RBFOX1: variants seen among roughly 807,000 people sequenced by gnomAD.
RBFOX1 encodes RNA binding protein fox-1 homolog 1.
A neutral mutation model predicts 57.7 loss-of-function variants in RBFOX1; 8 were observed. That is an observed-to-expected ratio of 0.14 (90% CI 0.08 to 0.25). RBFOX1 has a LOEUF of 0.25. RBFOX1 is among the 10% of genes least tolerant of loss of function. The pLI, the probability that RBFOX1 is intolerant of heterozygous loss-of-function variation, is 1.00. For missense variants in RBFOX1, 611 were observed against 548.5 expected (o/e 1.11, Z -1.14); for synonymous variants, 326 against 222.4 (o/e 1.47, Z -4.15).
At chr16:5,720,069 C>A (rs2051870873) in intron 3 of RBFOX1, among the ~76,000 whole-genome samples, 1 of 152,096 alleles carries the variant, frequency 6.6e-6, no homozygotes, top group South Asian at 2.1e-4. Flanking sequence ...TTCACATCCT[C>A]ACCAACACTT....
intron 4 of RBFOX1, among the ~76,000 whole-genome samples, chr16:7,452,788 A>C (rs2057632362): frequency 6.6e-6 from 1 of 152,186 alleles, no homozygotes; most frequent in African/African-American, 2.4e-5. Context: ...GAGTCTGGTG[A>C]AAGAAGAAAT....
chr16:5,861,772 A>C (rs1374184657), intron 3 of RBFOX1, among the ~76,000 whole-genome samples: 2 of 152,218 alleles, frequency 1.3e-5, no homozygotes, highest in African/African-American at 4.8e-5. Flanking sequence ...TTTGTTGCAA[A>C]GTGCAAAGGA....
chr16:5,511,796 T>C (rs1207621982), intron 2 of RBFOX1, among the ~76,000 whole-genome samples: 1 of 152,218 alleles, frequency 6.6e-6, no homozygotes, highest in Non-Finnish European at 1.5e-5. Context: ...AATGTAACTA[T>C]GTCCCCAAAG....
chr16:5,658,871 G>C (rs1172713586), intron 3 of RBFOX1, among the ~76,000 whole-genome samples: 3 of 144,188 alleles, frequency 2.1e-5, no homozygotes, highest in Admixed American at 1.4e-4. Context: ...GTGTGTATAT[G>C]TATAAATATA....
rs530747411 is a variant in RBFOX1, at chr16:6,042,915, G to C, written c.-127+22923G>C. On this transcript the variant is annotated intron_variant, in intron 1 of 15. Coordinates refer to ENST00000550418, the MANE Select transcript of RBFOX1 (RefSeq NM_018723.4). Reference sequence around the variant, plus strand: ...AAGCTTTATCTAAAGACTTGAAGCTGGTAGAAAGAAATGCTTGATTTAAGA... The same window carrying C: ...AAGCTTTATCTAAAGACTTGAAGCTCGTAGAAAGAAATGCTTGATTTAAGA... 5.9e-5 allele frequency among the ~76,000 whole-genome samples: 9 copies of C among 152,036 alleles called. No homozygotes were observed. In the East Asian group the frequency reaches 1.7e-3, roughly 30 times the overall value.
chr16:5,489,368 C>G (rs1004669031), intron 2 of RBFOX1, among the ~76,000 whole-genome samples: 2 of 152,208 alleles, frequency 1.3e-5, no homozygotes, highest in Non-Finnish European at 2.9e-5. Context: ...GTCCAGGGCT[C>G]ACCTCAAAGG....
At chr16:6,889,944 G>T (rs76665679) in intron 3 of RBFOX1, among the ~76,000 whole-genome samples, 187 of 152,296 alleles carry the variant, frequency 1.2e-3, no homozygotes, top group African/African-American at 4.1e-3. Flanking sequence ...ACGTATTTCA[G>T]TGGTTACCTG....
chr16:6,742,706 A>G (rs1208055344), intron 3 of RBFOX1, among the ~76,000 whole-genome samples: 3 of 152,210 alleles, frequency 2.0e-5, no homozygotes, highest in African/African-American at 7.2e-5. Context: ...TCTCAAGGGC[A>G]CAATGTTGAA....
At chr16:5,854,564 C>CA (rs1567628311) in intron 3 of RBFOX1, among the ~76,000 whole-genome samples, 2 of 141,834 alleles carry the variant, frequency 1.4e-5, no homozygotes, top group African/African-American at 5.6e-5. Context: ...CTTACCCCCC[C>CA]CACACACAAG....
At chr16:7,425,727 T>G (rs1170299605) in intron 4 of RBFOX1, among the ~76,000 whole-genome samples, 1 of 152,168 alleles carries the variant, frequency 6.6e-6, no homozygotes, top group Non-Finnish European at 1.5e-5. Context: ...CTAGGGGGGA[T>G]AGAGACCCCT....
At position 7,460,389 on chromosome 16, in the gene RBFOX1, ATG is replaced by A. The variant is rs1235047786; in HGVS notation, c.28-57730_28-57729del. Among the ~76,000 whole-genome samples, 309 of 87,156 alleles carry A rather than the reference ATG, an allele frequency of 3.5e-3. 10 individuals carry two copies. Among genetic ancestry groups the A allele is most frequent in the Middle Eastern group, 5.4e-3 (1 of 186 alleles). 57.2% of individuals were successfully genotyped at this position (87,156 alleles called of 152,430 possible). A position where few individuals can be genotyped will look rare whatever the true frequency, so the allele number is the denominator to read the frequency against. On this transcript the variant is annotated intron_variant, in intron 4 of 15. Coordinates refer to ENST00000550418, the MANE Select transcript of RBFOX1 (RefSeq NM_018723.4). The stretch of plus-strand genomic sequence containing the variant: ...TAGCAAAATATATATATATATATAT[ATG>A]TGTGTGTGTGTGTGTGTGTGTGTGT...
intron 1 of RBFOX1, among the ~76,000 whole-genome samples, chr16:5,386,710 C>T (rs1165374496): frequency 6.6e-6 from 1 of 152,130 alleles, no homozygotes; most frequent in Non-Finnish European, 1.5e-5. Context: ...TCCTTGATTC[C>T]CCCAGCAGGA....
intron 4 of RBFOX1, among the ~76,000 whole-genome samples, chr16:7,207,786 C>T (rs947948153): frequency 6.6e-6 from 1 of 152,186 alleles, no homozygotes; most frequent in Non-Finnish European, 1.5e-5. Flanking sequence ...CATGTAGCTT[C>T]TCCTAGAATG....
At chr16:7,364,915 G>C (rs77765083) in intron 4 of RBFOX1, among the ~76,000 whole-genome samples, 6,207 of 152,218 alleles carry the variant, frequency 0.041, 258 homozygotes, top group East Asian at 0.15. Context: ...ATGGATACTA[G>C]TGAATGTGTC....
chr16:6,308,573 C>T (rs2079832973), intron 1 of RBFOX1, among the ~76,000 whole-genome samples: 1 of 152,162 alleles, frequency 6.6e-6, no homozygotes, highest in Non-Finnish European at 1.5e-5. Flanking sequence ...GTAGTTCTTA[C>T]CTGGATGACT....
intron 4 of RBFOX1, among the ~76,000 whole-genome samples, chr16:7,309,942 A>C (rs978909749): frequency 6.6e-6 from 1 of 152,216 alleles, no homozygotes; most frequent in Non-Finnish European, 1.5e-5. Flanking sequence ...TCAGTTAAGA[A>C]AAGCAAAGAA....
chr16:5,982,045 C>T (rs1053174208), intron 4 of RBFOX1, among the ~76,000 whole-genome samples: 1 of 152,152 alleles, frequency 6.6e-6, no homozygotes, highest in Non-Finnish European at 1.5e-5. Flanking sequence ...TGTCAAAAGG[C>T]CAGGACACAT....
chr16:6,883,825 C>A (rs1011546701), intron 3 of RBFOX1, among the ~76,000 whole-genome samples: 1 of 150,822 alleles, frequency 6.6e-6, no homozygotes, highest in African/African-American at 2.4e-5. Context: ...ATTATTATCT[C>A]TTTTTTCCCC....
At chr16:6,506,787 C>T (rs757794011) in intron 2 of RBFOX1, among the ~76,000 whole-genome samples, 2 of 151,914 alleles carry the variant, frequency 1.3e-5, no homozygotes, top group African/African-American at 2.4e-5. Flanking sequence ...GCTGGGATTA[C>T]AGGCACCAAC....
Sources: allele counts gnomAD v4.1 joint callset (sites outside exome capture counted in the v4.1 genomes callset), GRCh38; gene constraint gnomAD v4.1.1; transcripts MANE v1.5; gene names NCBI Gene and HGNC (gene_info 2026-07-23, HGNC 2026-07-21).